The following UBE3B variants were observed in gnomAD, a reference collection of about 807,000 sequenced individuals.
UBE3B encodes the protein ubiquitin protein ligase E3B, also known as ubiquitin-protein ligase E3B.
In UBE3B, 80 loss-of-function variants were observed where a neutral mutation model predicts 132.3. The observed-to-expected ratio is 0.60, with a 90% confidence interval of 0.50 to 0.73. The LOEUF (loss-of-function observed/expected upper bound fraction) is 0.73. Among genes scored for constraint, UBE3B ranks in the 30% least tolerant of loss-of-function variants. The probability of loss-of-function intolerance (pLI) is 0.00; values close to 1 mark genes in which losing one functional copy is unlikely to be tolerated. For synonymous variants in UBE3B, 487 were observed against 520.4 expected (o/e 0.94, Z 0.87); for missense variants, 1,196 against 1,362.5 (o/e 0.88, Z 1.92).
At chr12:109,527,490 C>T (rs1005181026) in intron 24 of UBE3B, among the ~76,000 whole-genome samples, 13 of 152,184 alleles carry the variant, frequency 8.5e-5, no homozygotes, top group Non-Finnish European at 1.3e-4. Context: ...ATCAGATGCA[C>T]GTCGCAGTCC....
In UBE3B at chr12:109,535,660, A is replaced by G. The variant is rs1883369535; in HGVS notation, c.*878A>G. On this transcript the variant is annotated 3_prime_UTR_variant, in exon 28 of 28. Coordinates refer to ENST00000342494, the MANE Select transcript of UBE3B (RefSeq NM_130466.4). ...ACTGGTTATCTAATGAGGAACAAAC[A>G]CTAACCTAAGGTACACATCCCATCT... The G allele has an allele frequency of 6.6e-6, 1 of 152,172 alleles. No individual in the cohort carries two copies. Among genetic ancestry groups the G allele is most frequent in the Non-Finnish European group, 1.5e-5 (1 of 68,044 alleles). The allele number at this position is 152,172 out of a possible 1,614,324, so 9.4% of individuals were successfully genotyped here. A position where few individuals can be genotyped will look rare whatever the true frequency, so the allele number is the denominator to read the frequency against.
At chr12:109,544,759 A>G in the UBE3B span, among the ~76,000 whole-genome samples, 1 of 152,160 alleles carries the variant, frequency 6.6e-6, no homozygotes, top group East Asian at 1.9e-4. Flanking sequence ...CTTCAAACAC[A>G]GAAACTCAGG....
At chr12:109,536,725 A>T (rs1883463330), downstream of UBE3B, 1 of 152,194 alleles carries the variant, frequency 6.6e-6, no homozygotes, top group Admixed American at 6.5e-5. Flanking sequence ...TCTGCATTTC[A>T]TTCCGCCATA....
chr12:109,481,044 G>T (rs537638663), intron 1 of UBE3B, among the ~76,000 whole-genome samples: 1 of 151,444 alleles, frequency 6.6e-6, no homozygotes, highest in African/African-American at 2.4e-5. Flanking sequence ...GGCGGAGCTT[G>T]CAGTGAGCCA....
chr12:109,486,041 GAGCAGCATGGAT>G lies in UBE3B; in HGVS notation c.313_324del (p.Ser105_Asp108del), dbSNP rs746624505. ...TTGAGAAGTTGTGTCGCAGCATCCTGAGCAGCATGGATGCTGAGAATGAGCCTAAGGTAAGTG... is the reference window on the plus strand; with the variant it reads ...TTGAGAAGTTGTGTCGCAGCATCCTGGCTGAGAATGAGCCTAAGGTAAGTG... On this transcript the variant is annotated inframe_deletion, in exon 5 of 28. Transcript: ENST00000342494. 7.1e-6 allele frequency: 11 copies of G among 1,555,236 alleles called. No homozygotes were observed. The Admixed American group carries it at 2.1e-4, about 30-fold the overall frequency.
At chr12:109,537,587 C>G (rs1209507191), downstream of UBE3B, among the ~76,000 whole-genome samples, 1 of 152,222 alleles carries the variant, frequency 6.6e-6, no homozygotes, top group African/African-American at 2.4e-5. Flanking sequence ...AAGGAGCGTT[C>G]ATGTAACTAA....
intron 4 of UBE3B, among the ~76,000 whole-genome samples, chr12:109,484,294 T>C (rs976950220): frequency 6.6e-6 from 1 of 152,186 alleles, no homozygotes; most frequent in Admixed American, 6.5e-5. Flanking sequence ...AAACGGTAAC[T>C]GACAGGCAGC....
intron 25 of UBE3B, among the ~76,000 whole-genome samples, 156 bp from the exon 26 acceptor site, chr12:109,530,389 TAG>T (rs1195358922): frequency 6.6e-6 from 1 of 152,196 alleles, no homozygotes; most frequent in East Asian, 1.9e-4. Flanking sequence ...CCCAGGGAGA[TAG>T]AGTTATTGAG....
chr12:109,527,921 C>T (rs1329844217), intron 24 of UBE3B, among the ~76,000 whole-genome samples: 1 of 152,156 alleles, frequency 6.6e-6, no homozygotes, highest in Non-Finnish European at 1.5e-5. Flanking sequence ...ATCCTGCCAC[C>T]CCCTGAGAGG....
chr12:109,510,452 T>A lies in UBE3B; in HGVS notation c.1850T>A (p.Leu617Gln). The A allele has an allele frequency of 6.2e-7, 1 of 1,610,330 alleles. No homozygotes were observed. Among genetic ancestry groups the A allele is most frequent in the Non-Finnish European group, 8.5e-7 (1 of 1,178,614 alleles). ...CGCTTCACCCCCGAGGACCACTGGC[T>A]GCGAAAGTGAGCTCCAGGGGTGAGG... ...RRRFTPEDHW[L>Q]RKDLKPSVLF... Residue 617 changes from leucine (L) to glutamine (Q), a missense_variant, in exon 17 of 28, where the codon CTG (leucine) becomes CAG (glutamine). Transcript: ENST00000342494.
At chr12:109,540,178 G>A (rs1437066584), downstream of UBE3B, among the ~76,000 whole-genome samples, 1 of 152,100 alleles carries the variant, frequency 6.6e-6, no homozygotes, top group East Asian at 1.9e-4. Context: ...GTATGTGCAG[G>A]GTTTGGGTGG....
intron 9 of UBE3B, among the ~76,000 whole-genome samples, chr12:109,495,165 T>C (rs1017042578): frequency 1.3e-5 from 2 of 152,256 alleles, no homozygotes; most frequent in African/African-American, 4.8e-5. Context: ...TAGGTACTGA[T>C]ATTTTCAGCA....
chr12:109,504,303 A>G (rs570667665), intron 14 of UBE3B, among the ~76,000 whole-genome samples: 1 of 152,378 alleles, frequency 6.6e-6, no homozygotes, highest in East Asian at 1.9e-4. Context: ...CAAATTTGGC[A>G]TTCAGCCAAA....
chr12:109,507,671 G>C lies in UBE3B; in HGVS notation c.1558G>C (p.Glu520Gln). ...CTTGGAATGCCTGAACAATGACACTGAAGAGTCCAAGCAACTCTTGGCCAT... is the reference window on the plus strand; with the variant it reads ...CTTGGAATGCCTGAACAATGACACTCAAGAGTCCAAGCAACTCTTGGCCAT... ...LFLECLNNDTEESKQLLAMLM... is the reference protein window; with the variant it reads ...LFLECLNNDTQESKQLLAMLM... Residue 520 changes from glutamate (E) to glutamine (Q), a missense_variant, in exon 15 of 28, where the codon GAA becomes CAA. By Grantham distance (29) the Glu-to-Gln change is conservative. Coordinates refer to ENST00000342494, the MANE Select transcript of UBE3B (RefSeq NM_130466.4). 1 of 1,614,214 alleles carries C rather than the reference G, an allele frequency of 6.2e-7. No homozygotes were observed. The highest frequency in any genetic ancestry group is 8.5e-7 in the Non-Finnish European group (1 of 1,180,044).
At chr12:109,513,238 T>C (rs971906363) in intron 18 of UBE3B, among the ~76,000 whole-genome samples, 1 of 152,086 alleles carries the variant, frequency 6.6e-6, no homozygotes, top group African/African-American at 2.4e-5. Context: ...ACCATTGCAT[T>C]CCCATAACAC....
At chr12:109,518,757 A>C (rs1045507606) in intron 19 of UBE3B, among the ~76,000 whole-genome samples, 1 of 152,194 alleles carries the variant, frequency 6.6e-6, no homozygotes, top group Non-Finnish European at 1.5e-5. Context: ...CCTACTTTTT[A>C]AAGCATATCC....
chr12:109,488,704 A>C, intron 7 of UBE3B, 36 bp downstream of exon 7: 1 of 1,592,500 alleles, frequency 6.3e-7, no homozygotes. Flanking sequence ...TCTCTAACCA[A>C]CATTTCCATA....
At chr12:109,531,564 G>A (rs1340606022) in intron 26 of UBE3B, among the ~76,000 whole-genome samples, 4 of 152,090 alleles carry the variant, frequency 2.6e-5, no homozygotes, top group African/African-American at 4.8e-5. Context: ...GAGGCAACCT[G>A]GACAGTGTCA....
intron 4 of UBE3B, among the ~76,000 whole-genome samples, chr12:109,485,267 A>G (rs960410106): frequency 6.6e-6 from 1 of 152,234 alleles, no homozygotes; most frequent in Non-Finnish European, 1.5e-5. Flanking sequence ...TCCTATTGCT[A>G]AGCTTCACAT....
Sources: gnomAD v4.1 joint callset for allele counts (sites outside exome capture counted in the v4.1 genomes callset) on GRCh38, gnomAD v4.1.1 for gene constraint, MANE v1.5 for transcripts, NCBI Gene and HGNC (gene_info 2026-07-23, HGNC 2026-07-21) for gene names.